Variants in MAGEB10 observed in about 807,000 individuals in gnomAD.
The protein encoded by MAGEB10 is melanoma-associated antigen B10.
For missense variants in MAGEB10, 190 were observed against 261.9 expected (o/e 0.73, Z 1.89); for synonymous variants, 99 against 101.0 (o/e 0.98, Z 0.12).
rs143483896 is a variant in MAGEB10, at chrX:27,821,955, T to C, written c.649T>C (p.Cys217Arg). 1.0e-3 allele frequency: 1,248 copies of C among 1,210,200 alleles called. 14 individuals are homozygous for C. The East Asian group carries it at 0.035, about 34-fold the overall frequency. ...VLGIIFTNGN[C>R]VAEEEVWKVF... ...GGGTATTATCTTCACAAATGGCAAT[T>C]GTGTCGCTGAGGAGGAAGTCTGGAA... Residue 217 changes from cysteine to arginine, a missense_variant, in exon 3 of 3, where the codon TGT (cysteine) becomes CGT (arginine). Coordinates refer to ENST00000356790, the MANE Select transcript of MAGEB10 (RefSeq NM_182506.3).
chrX:27,808,906 A>G (rs1403088523), intron 1 of MAGEB10, among the ~76,000 whole-genome samples: 1 of 112,168 alleles, frequency 8.9e-6, no homozygotes, highest in African/African-American at 3.2e-5. Flanking sequence ...CAAGGAGATG[A>G]GGGTATTGGA....
intron 1 of MAGEB10, chrX:27,813,009 A>G (rs937785588): frequency 2.2e-5 from 3 of 138,068 alleles, no homozygotes; most frequent in Non-Finnish European, 1.4e-5. Flanking sequence ...TCGTTATAAC[A>G]TAGTACATAA....
At chrX:27,811,724 A>G (rs1195501445) in intron 1 of MAGEB10, among the ~76,000 whole-genome samples, 1 of 112,090 alleles carries the variant, frequency 8.9e-6, no homozygotes, top group Admixed American at 9.4e-5. Flanking sequence ...GAGTAGCCTC[A>G]TAGGATCCTT....
chrX:27,815,669 A>G (rs749781925), intron 1 of MAGEB10, among the ~76,000 whole-genome samples: 2 of 112,513 alleles, frequency 1.8e-5, no homozygotes, highest in East Asian at 5.6e-4. Context: ...CTGTGTATCA[A>G]CCATGTCCAG....
At chrX:27,812,692 A>G in intron 1 of MAGEB10, 2 of 358,087 alleles carry the variant, frequency 5.6e-6, no homozygotes, top group Non-Finnish European at 1.1e-5. Context: ...CCTCCAAGCT[A>G]TGAATTCCTG....
At chrX:27,814,264 T>C (rs941638488) in intron 1 of MAGEB10, among the ~76,000 whole-genome samples, 1 of 111,077 alleles carries the variant, frequency 9.0e-6, no homozygotes, top group Non-Finnish European at 1.9e-5. Flanking sequence ...TTTATTAGGT[T>C]GTCTTTAGTA....
chrX:27,814,079 T>A (rs1484767617), intron 1 of MAGEB10, among the ~76,000 whole-genome samples: 1 of 111,334 alleles, frequency 9.0e-6, no homozygotes, highest in African/African-American at 3.3e-5. Context: ...AAAGGGCTTT[T>A]AAAAAAACTT....
At chrX:27,814,950 T>G (rs1314920943) in intron 1 of MAGEB10, among the ~76,000 whole-genome samples, 1 of 112,138 alleles carries the variant, frequency 8.9e-6, no homozygotes, top group African/African-American at 3.2e-5. Context: ...TAAATCCAGA[T>G]GTAATAAATA....
intron 1 of MAGEB10, among the ~76,000 whole-genome samples, chrX:27,813,609 T>G (rs1271067378): frequency 9.0e-6 from 1 of 111,212 alleles, no homozygotes; most frequent in African/African-American, 3.3e-5. Context: ...AAGTAAAGGA[T>G]GAGTAAGAGA....
intron 1 of MAGEB10, among the ~76,000 whole-genome samples, chrX:27,808,599 A>G (rs1472788675): frequency 9.0e-6 from 1 of 111,309 alleles, no homozygotes; most frequent in Non-Finnish European, 1.9e-5. Flanking sequence ...CAAAAGAAAG[A>G]ACGCCATGCC....
intron 1 of MAGEB10, among the ~76,000 whole-genome samples, chrX:27,815,279 A>G (rs1449912969): frequency 1.8e-5 from 2 of 111,246 alleles, no homozygotes; most frequent in Non-Finnish European, 3.8e-5. Context: ...GAGCTTTCCA[A>G]CTCCCTGCAG....
chrX:27,812,775 G>C (rs965710794), intron 1 of MAGEB10: 1 of 357,281 alleles, frequency 2.8e-6, no homozygotes, highest in African/African-American at 2.6e-5. Flanking sequence ...CCATGGTACA[G>C]TCCCCAGTGC....
chrX:27,810,986 A>G (rs1267850695), intron 1 of MAGEB10, among the ~76,000 whole-genome samples: 1 of 73,595 alleles, frequency 1.4e-5, no homozygotes, highest in East Asian at 4.3e-4. Flanking sequence ...AACGCACCCC[A>G]CCCCCTCCCT....
Position 27,822,317 on chromosome X carries a change from G to T in MAGEB10, c.1011G>T (p.Lys337Asn). 8.3e-7 allele frequency: 1 copy of T among 1,208,709 alleles called. No individual in the cohort carries two copies. ...GTGCCACAGCCGGTGCACGTTCCAA[G>T]GTTAAGTCCAGCAAGTCCTCCCAAC... ...RVSATAGARS[K>N]VKSSKSSQLQ Residue 337 changes from lysine to asparagine, a missense_variant, in exon 3 of 3, where the codon AAG becomes AAT. Transcript: ENST00000356790.
intron 1 of MAGEB10, among the ~76,000 whole-genome samples, chrX:27,817,263 ATTG>A (rs1286972222): frequency 9.1e-6 from 1 of 110,005 alleles, no homozygotes; most frequent in Non-Finnish European, 1.9e-5. Context: ...TACTAATTCC[ATTG>A]TTATTATTAT....
intron 1 of MAGEB10, among the ~76,000 whole-genome samples, chrX:27,811,043 A>T (rs1923673377): frequency 1.0e-5 from 1 of 96,218 alleles, no homozygotes; most frequent in Admixed American, 1.3e-4. Context: ...CCTTTCTCTG[A>T]TTGGTATAGG....
At chrX:27,809,415 G>GC (rs1405636801) in intron 1 of MAGEB10, among the ~76,000 whole-genome samples, 2 of 6,329 alleles carry the variant, frequency 3.2e-4, no homozygotes, top group African/African-American at 7.8e-4. Context: ...AACCCCGCCA[G>GC]CCCCCCCCAA....
At chrX:27,820,317 G>A in intron 2 of MAGEB10, among the ~76,000 whole-genome samples, 1 of 111,596 alleles carries the variant, frequency 9.0e-6, no homozygotes. Flanking sequence ...TGCCAAAAGG[G>A]AATACAAAGA....
intron 1 of MAGEB10, among the ~76,000 whole-genome samples, chrX:27,813,834 A>G (rs1923733386): frequency 1.8e-5 from 2 of 112,014 alleles, no homozygotes; most frequent in Admixed American, 9.5e-5. Flanking sequence ...TTTTGAGGTA[A>G]TAGATAAACC....
Sources: allele counts gnomAD v4.1 joint callset (sites outside exome capture counted in the v4.1 genomes callset), GRCh38; gene constraint gnomAD v4.1.1; transcripts MANE v1.5; gene names NCBI Gene and HGNC (gene_info 2026-07-23, HGNC 2026-07-21).